Variants in CTSC observed in about 807,000 individuals in gnomAD.
CTSC encodes dipeptidyl peptidase 1.
Under a neutral mutation model 40.9 loss-of-function variants are expected in CTSC, and 37 were observed. That is an observed-to-expected ratio of 0.91 (90% CI 0.70 to 1.19). The LOEUF (loss-of-function observed/expected upper bound fraction) is 1.19, where lower values mean the gene tolerates loss of function less well. Ranked by LOEUF, CTSC falls within the 50% of genes most tolerant of loss-of-function variation. The pLI, the probability that CTSC is intolerant of heterozygous loss-of-function variation, is 0.00. For missense variants in CTSC, 594 were observed against 567.3 expected, an observed-to-expected ratio of 1.05 and a Z score of -0.48; for synonymous variants, 232 against 207.4, an observed-to-expected ratio of 1.12 and a Z score of -1.02.
chr11:88,327,200 A>AAGCTTAACAAGATAAC (rs1938216899), intron 2 of CTSC, among the ~76,000 whole-genome samples: 1 of 152,240 alleles, frequency 6.6e-6, no homozygotes, highest in South Asian at 2.1e-4. Context: ...AACATTGCTG[A>AAGCTTAACAAGATAAC]AGCTTAACAA....
chr11:88,317,080 C>A (rs1937897155), intron 2 of CTSC, among the ~76,000 whole-genome samples: 1 of 152,138 alleles, frequency 6.6e-6, no homozygotes, highest in Admixed American at 6.5e-5. Context: ...AATTCTCCTG[C>A]CTCAGCCGCC....
rs4002985 is a variant in CTSC at position 88,316,475 on chromosome 11, C to CTAAATAAATAAATAAATAAATAAA, written c.319-3945_319-3922dup. Among the ~76,000 whole-genome samples, 512 of 145,116 alleles carry CTAAATAAATAAATAAATAAATAAA rather than the reference C, an allele frequency of 3.5e-3. 3 individuals are homozygous for CTAAATAAATAAATAAATAAATAAA. Among genetic ancestry groups the CTAAATAAATAAATAAATAAATAAA allele is most frequent in the African/African-American group, 4.3e-3 (170 of 39,426 alleles). ...TGGATGACAGAATCAGATCCATTCT[C>CTAAATAAATAAATAAATAAATAAA]TAAATAAATAAATAAATAAATAAAT... On this transcript the variant is annotated intron_variant, in intron 2 of 6. Coordinates refer to ENST00000227266, the MANE Select transcript of CTSC (RefSeq NM_001814.6).
At chr11:88,320,631 T>C (rs1937981400) in intron 2 of CTSC, among the ~76,000 whole-genome samples, 1 of 152,198 alleles carries the variant, frequency 6.6e-6, no homozygotes, top group Non-Finnish European at 1.5e-5. Context: ...CTGAGCCCTA[T>C]CTTGGCCTCT....
At chr11:88,330,308 T>A (rs1341402122) in intron 2 of CTSC, among the ~76,000 whole-genome samples, 1 of 152,112 alleles carries the variant, frequency 6.6e-6, no homozygotes, top group Non-Finnish European at 1.5e-5. Context: ...TCCCATAAAG[T>A]GCTCAGATAA....
chr11:88,294,674 C>G (rs1487017510), intron 6 of CTSC, among the ~76,000 whole-genome samples, 166 bp from the exon 7 acceptor site: 1 of 152,184 alleles, frequency 6.6e-6, no homozygotes, highest in Non-Finnish European at 1.5e-5. Flanking sequence ...GCTAACTATC[C>G]TTTCATCCTC....
At chr11:88,326,520 T>A in intron 2 of CTSC, 5 of 816,114 alleles carry the variant, frequency 6.1e-6, no homozygotes, top group Non-Finnish European at 9.5e-6. Context: ...TATCAGTTTC[T>A]TTAAGTAAAA....
chr11:88,336,315 C>T (rs1355334410), intron 1 of CTSC, among the ~76,000 whole-genome samples: 1 of 150,294 alleles, frequency 6.7e-6, no homozygotes, highest in African/African-American at 2.5e-5. Flanking sequence ...CCGAGGCGGG[C>T]GGATCACGAG....
At chr11:88,305,717 T>C (rs1937625358) in intron 4 of CTSC, among the ~76,000 whole-genome samples, 1 of 152,256 alleles carries the variant, frequency 6.6e-6, no homozygotes, top group Non-Finnish European at 1.5e-5. Context: ...TATTTCCTAC[T>C]TCACTCAATT....
At chr11:88,311,310 G>T (rs1296622831) in intron 3 of CTSC, among the ~76,000 whole-genome samples, 1 of 152,190 alleles carries the variant, frequency 6.6e-6, no homozygotes, top group Admixed American at 6.5e-5. Context: ...AACTTAAAAT[G>T]AAGGGGATGA....
chr11:88,320,690 T>C (rs1937983313), intron 2 of CTSC: 4 of 319,824 alleles, frequency 1.3e-5, no homozygotes, highest in Non-Finnish European at 1.8e-5. Context: ...GAATAAAATA[T>C]AAAAGTCTAA....
chr11:88,298,337 C>T (rs1404692694), intron 5 of CTSC: 1 of 152,154 alleles, frequency 6.6e-6, no homozygotes, highest in Non-Finnish European at 1.5e-5. Context: ...GCTTCTCTTC[C>T]CTCTCATACC....
intron 2 of CTSC, chr11:88,324,669 C>T: frequency 1.0e-6 from 1 of 984,532 alleles, no homozygotes; most frequent in Non-Finnish European, 1.2e-6. Flanking sequence ...AAACATGCTA[C>T]CCAATCACTC....
intron 2 of CTSC, among the ~76,000 whole-genome samples, chr11:88,333,284 GTC>G (rs1476911689): frequency 1.4e-4 from 21 of 152,288 alleles, no homozygotes; most frequent in African/African-American, 4.8e-4. Flanking sequence ...CTATGTACTT[GTC>G]TCTTTTTACC....
chr11:88,305,155 G>A (rs948027657), intron 4 of CTSC, among the ~76,000 whole-genome samples: 4 of 151,960 alleles, frequency 2.6e-5, no homozygotes, highest in African/African-American at 7.3e-5. Context: ...TCTAAAAAGG[G>A]GAGGCATGAA....
intron 1 of CTSC, among the ~76,000 whole-genome samples, chr11:88,335,948 G>A (rs2134829585): frequency 6.6e-6 from 1 of 152,200 alleles, no homozygotes; most frequent in African/African-American, 2.4e-5. Context: ...AGTTTATTCA[G>A]CAAACTAGAG....
intron 2 of CTSC, among the ~76,000 whole-genome samples, chr11:88,317,726 C>A (rs1165747563): frequency 1.3e-5 from 2 of 152,168 alleles, no homozygotes; most frequent in Non-Finnish European, 2.9e-5. Context: ...GCTTGAAATG[C>A]AGCCAAAAAA....
At chr11:88,315,574 T>A (rs1038459168) in intron 2 of CTSC, among the ~76,000 whole-genome samples, 1 of 152,130 alleles carries the variant, frequency 6.6e-6, no homozygotes, top group Non-Finnish European at 1.5e-5. Context: ...TGGCTACTTT[T>A]GTGCCACAAT....
intron 2 of CTSC, among the ~76,000 whole-genome samples, chr11:88,320,305 C>T (rs1009789275): frequency 3.3e-5 from 5 of 152,176 alleles, no homozygotes; most frequent in Admixed American, 6.5e-5. Flanking sequence ...AACCAAAATA[C>T]ACACTCCAGA....
intron 2 of CTSC, among the ~76,000 whole-genome samples, chr11:88,330,264 C>T (rs217066): frequency 6.6e-6 from 1 of 151,938 alleles, no homozygotes; most frequent in African/African-American, 2.4e-5. Context: ...TAGATACCCA[C>T]CCACCTGAGT....
Sources: allele counts gnomAD v4.1 joint callset (sites outside exome capture counted in the v4.1 genomes callset), GRCh38; gene constraint gnomAD v4.1.1; transcripts MANE v1.5; gene names NCBI Gene and HGNC (gene_info 2026-07-23, HGNC 2026-07-21).